The following POM121 variants were observed in gnomAD, a reference collection of about 807,000 sequenced individuals.
POM121 encodes POM121 transmembrane nucleoporin, also known as nuclear envelope pore membrane protein POM 121.
Under a neutral mutation model 81.3 loss-of-function variants are expected in POM121, and 32 were observed. That is an observed-to-expected ratio of 0.39 (90% confidence interval 0.30 to 0.53). The LOEUF (loss-of-function observed/expected upper bound fraction) is 0.53. Among genes scored for constraint, POM121 ranks in the 20% least tolerant of loss-of-function variants. The pLI, the probability that POM121 is intolerant of heterozygous loss-of-function variation, is 0.66. For synonymous variants in POM121, 514 were observed against 694.2 expected, an observed-to-expected ratio of 0.74 and a Z score of 4.08; for missense variants, 1,138 against 1,614.6, an observed-to-expected ratio of 0.70 and a Z score of 5.06.
At position 72,942,905 on chromosome 7, in the gene POM121, C is replaced by T. The variant is rs1797243730; in HGVS notation, c.2912C>T (p.Ala971Val). The change falls in exon 11 of 13, where the codon GCA (alanine) becomes GTA (valine). Residue 971 changes from alanine (A) to valine (V), a missense_variant. By Grantham distance (64) the Ala-to-Val change is moderately conservative. This residue lies in a region of POM121 where 45 missense variants were observed against 75.7 expected (regional missense o/e 0.59). Transcript: ENST00000434423. ...PSYPGANPQP[A>V]FGAAEGQPPG... ...TATCCGGGAGCCAACCCCCAGCCCG[C>T]ATTTGGGGCCGCTGAGGGGCAGCCA... is the stretch of plus-strand genomic sequence containing the variant. The T allele has an allele frequency of 6.2e-7, 1 of 1,601,018 alleles. No homozygotes were observed. The highest frequency in any genetic ancestry group is 1.3e-5 in the African/African-American group (1 of 74,592).
chr7:72,925,172 A>G lies in POM121; in HGVS notation c.51A>G (p.Ile17Met), dbSNP rs1554496829. ...GAGCAGGCGAGCGGCGGCGGCCCAT[A>G]GCGAGTGTCAGGGACGGCCGGGGCC... ...AAGAGERRRPIASVRDGRGRG... is the reference protein window; with the variant it reads ...AAGAGERRRPMASVRDGRGRG... Residue 17 changes from isoleucine (I) to methionine (M), a missense_variant, in exon 1 of 13, where the codon ATA (isoleucine) becomes ATG (methionine). Ile to Met is a conservative substitution (Grantham distance 10, BLOSUM62 1). This residue lies in a region of POM121 where 646 missense variants were observed against 633.5 expected (regional missense o/e 1.02). Transcript: ENST00000434423. 21 of 1,504,076 alleles carry G rather than the reference A, an allele frequency of 1.4e-5. No homozygotes were observed. The highest frequency in any genetic ancestry group is 2.5e-5 in the South Asian group (2 of 80,838). The allele number at this position is 1,504,076 out of a possible 1,614,324, so 93.2% of individuals were successfully genotyped here.
intron 3 of POM121, among the ~76,000 whole-genome samples, chr7:72,897,986 T>C (rs1482163827): frequency 6.6e-6 from 1 of 152,132 alleles, no homozygotes; most frequent in Non-Finnish European, 1.5e-5. Flanking sequence ...GCCACTGCAC[T>C]CCAGCCTGGG....
chr7:72,906,805 T>C (rs1793284862), intron 3 of POM121, among the ~76,000 whole-genome samples: 1 of 151,812 alleles, frequency 6.6e-6, no homozygotes, highest in Admixed American at 6.6e-5. Context: ...TTTTTTTTCT[T>C]TTTGTAGAGA....
intron 3 of POM121, among the ~76,000 whole-genome samples, chr7:72,894,321 TA>T (rs1554491349): frequency 6.6e-6 from 1 of 152,128 alleles, no homozygotes; most frequent in Non-Finnish European, 1.5e-5. Context: ...CTCACGCCTG[TA>T]ATCCCAGCAC....
chr7:72,881,076 T>G (rs1191073578), intron 1 of POM121, among the ~76,000 whole-genome samples: 2 of 108,400 alleles, frequency 1.8e-5, no homozygotes, highest in South Asian at 7.4e-4. Context: ...CTTTTTTTTT[T>G]TTTTTTTTTT....
intron 4 of POM121, among the ~76,000 whole-genome samples, chr7:72,914,067 C>G (rs1284554123): frequency 2.6e-5 from 4 of 152,354 alleles, no homozygotes; most frequent in Non-Finnish European, 5.9e-5. Flanking sequence ...CCAAACTTCA[C>G]TGTAAAAATG....
At position 72,925,281 on chromosome 7, in the gene POM121, G is replaced by A; in HGVS notation, c.160G>A (p.Ala54Thr). ...ACTGTACCTCGTGCCGGCTGCGGCT[G>A]CACTGGCCTGGCTGACCGTGGGGGC... The part of the protein sequence containing the change: ...LLLYLVPAAA[A>T]LAWLTVGATA... Residue 54 changes from alanine (A) to threonine (T), a missense_variant, in exon 1 of 13, where the codon GCA becomes ACA. By Grantham distance (58) the Ala-to-Thr change is moderately conservative. Coordinates refer to ENST00000434423, the MANE Select transcript of POM121 (RefSeq NM_001387691.1). 1 of 1,534,644 alleles carries A rather than the reference G, an allele frequency of 6.5e-7. No homozygotes were observed. Among genetic ancestry groups the A allele is most frequent in the Non-Finnish European group, 8.7e-7 (1 of 1,146,464 alleles).
chr7:72,904,514 AAC>A (rs1182038473), intron 3 of POM121, among the ~76,000 whole-genome samples: 2 of 152,186 alleles, frequency 1.3e-5, no homozygotes, highest in African/African-American at 2.4e-5. Context: ...AGAACAGGAA[AAC>A]ACAATGCTTT....
chr7:72,938,170 T>TTTCTTTTCAG (rs1796696861), intron 5 of POM121, among the ~76,000 whole-genome samples: 1 of 152,140 alleles, frequency 6.6e-6, no homozygotes, highest in Non-Finnish European at 1.5e-5. Context: ...TAATTAATAC[T>TTTCTTTTCAG]GGCAGTTGAC....
At chr7:72,885,857 CTGTT>C (rs1245937298) in intron 1 of POM121, among the ~76,000 whole-genome samples, 2 of 151,160 alleles carry the variant, frequency 1.3e-5, no homozygotes, top group East Asian at 1.9e-4. Context: ...TAAAATGTCT[CTGTT>C]TGTCTTCCTT....
rs1439258012 is a variant in POM121 at position 72,899,647 on chromosome 7, C to T, written c.-216+8537C>T. Among the ~76,000 whole-genome samples the T allele has an allele frequency of 6.7e-5, 10 of 149,452 alleles. No homozygotes were observed. The South Asian group carries it at 1.1e-3, about 16-fold the overall frequency. ...AGGCTGGAGTGCAGTGGCGCACTCT[C>T]GGCTCACTGCAAGCTCCGCCTCCAG... is the stretch of plus-strand genomic sequence containing the variant. On this transcript the variant is annotated intron_variant, in intron 3 of 15. Transcript: ENST00000395270.
intron 2 of POM121, 116 bp downstream of exon 2, chr7:72,926,593 T>C: frequency 6.5e-7 from 1 of 1,527,954 alleles, no homozygotes; most frequent in Non-Finnish European, 8.9e-7. Flanking sequence ...GCTTATTTGA[T>C]GAGAAATACC....
chr7:72,939,497 T>G lies in POM121; in HGVS notation c.1441+88T>G, dbSNP rs1346147040. On this transcript the variant is annotated intron_variant, in intron 7 of 12. Coordinates refer to ENST00000434423, the MANE Select transcript of POM121 (RefSeq NM_001387691.1). ...GAGATTAATACCTATTGAAAAAAGGTCTTGAGCATTGCTATGTCTAAGGCA... is the reference window on the plus strand; with the variant it reads ...GAGATTAATACCTATTGAAAAAAGGGCTTGAGCATTGCTATGTCTAAGGCA... 73 of 1,542,506 alleles carry G rather than the reference T, an allele frequency of 4.7e-5. 1 individual carries two copies. The highest frequency in any genetic ancestry group is 6.3e-5 in the Non-Finnish European group (72 of 1,140,722).
Position 72,947,118 on chromosome 7 carries a change from T to C in POM121, c.*884T>C. On this transcript the variant is annotated 3_prime_UTR_variant, in exon 13 of 13. Transcript: ENST00000434423. ...GTCTGATGCTCTGTGTATTGCTCTT[T>C]GAATCGAGTTTGGAGGAAGAGTTGA... The C allele has an allele frequency of 1.1e-5, 6 of 568,736 alleles. 2 individuals are homozygous for C. Among genetic ancestry groups the C allele is most frequent in the Non-Finnish European group, 1.3e-5 (6 of 479,688 alleles). 35.2% of individuals were successfully genotyped at this position (568,736 alleles called of 1,614,324 possible). A position where few individuals can be genotyped will look rare whatever the true frequency, so the allele number is the denominator to read the frequency against.
At position 72,946,607 on chromosome 7, in the gene POM121, C is replaced by A; in HGVS notation, c.*373C>A. On this transcript the variant is annotated 3_prime_UTR_variant, in exon 13 of 13. Transcript: ENST00000434423. ...CCGTCGTCGCTGGAGGGGGCAGGGT[C>A]CAGCCCGCCTGGATCGGTGGTGTGC... 3 of 1,026,268 alleles carry A rather than the reference C, an allele frequency of 2.9e-6. No individual in the cohort carries two copies. Among genetic ancestry groups the A allele is most frequent in the Non-Finnish European group, 3.5e-6 (3 of 856,502 alleles). The allele number at this position is 1,026,268 out of a possible 1,614,324, so 63.6% of individuals were successfully genotyped here.
intron 7 of POM121, 130 bp from the exon 8 acceptor site, chr7:72,939,717 A>C: frequency 6.2e-7 from 1 of 1,603,758 alleles, no homozygotes; most frequent in Non-Finnish European, 8.5e-7. Context: ...CCAAGCAACC[A>C]AACCATAGAA....
chr7:72,909,513 G>T (rs1254347889), intron 3 of POM121, among the ~76,000 whole-genome samples: 1 of 152,316 alleles, frequency 6.6e-6, no homozygotes, highest in Non-Finnish European at 1.5e-5. Flanking sequence ...ATATTAGCAG[G>T]CACTCAACCT....
rs59443302 is a variant in POM121, at chr7:72,929,616, C to T, written c.1104-324C>T. 1.2e-3 allele frequency among the ~76,000 whole-genome samples: 182 copies of T among 152,306 alleles called. 4 individuals carry two copies. The East Asian group carries it at 0.033, about 28-fold the overall frequency. ...CACCACTAAGATAATGAACATCCTT[C>T]ACCTCCAAAAGTTCCCACATGCCTG... On this transcript the variant is annotated intron_variant, in intron 4 of 12. Coordinates refer to ENST00000434423, the MANE Select transcript of POM121 (RefSeq NM_001387691.1).
chr7:72,946,073 G>A, intron 12 of POM121, 64 bp from the exon 13 acceptor site: 1 of 1,583,618 alleles, frequency 6.3e-7, no homozygotes. Flanking sequence ...CCAGAGATTT[G>A]GGCACCCAGA....
Sources: gnomAD v4.1 joint callset for allele counts (sites outside exome capture counted in the v4.1 genomes callset) on GRCh38, gnomAD v4.1.1 for gene constraint, gnomAD v4.1.1 regional missense constraint, MANE v1.5 for transcripts, NCBI Gene and HGNC (gene_info 2026-07-23, HGNC 2026-07-21) for gene names.